Variants in XKR6 observed in about 807,000 individuals in gnomAD.
XKR6 encodes the protein XK-related protein 6.
Under a neutral mutation model 56.7 loss-of-function variants are expected in XKR6, and 22 were observed. That is an observed-to-expected ratio of 0.39 (90% confidence interval 0.28 to 0.55). The LOEUF (loss-of-function observed/expected upper bound fraction) is 0.55. Among genes scored for constraint, XKR6 ranks in the 20% least tolerant of loss-of-function variants. The probability of loss-of-function intolerance (pLI) is 0.66; values close to 1 mark genes in which losing one functional copy is unlikely to be tolerated. For missense variants in XKR6, 852 were observed against 889.0 expected, an observed-to-expected ratio of 0.96 and a Z score of 0.53; for synonymous variants, 524 against 387.8, an observed-to-expected ratio of 1.35 and a Z score of -4.13.
intron 1 of XKR6, chr8:11,129,176 G>A (rs1299856178): frequency 5.6e-6 from 2 of 356,004 alleles, no homozygotes; most frequent in Non-Finnish European, 1.1e-5. Flanking sequence ...CAACTAGACA[G>A]AGGTGATGGT....
chr8:10,937,434 T>A (rs1336072743), intron 1 of XKR6, among the ~76,000 whole-genome samples: 1 of 151,256 alleles, frequency 6.6e-6, no homozygotes, highest in African/African-American at 2.4e-5. Context: ...CTTTGTTCCG[T>A]TGCTGGTGAG....
intron 1 of XKR6, among the ~76,000 whole-genome samples, chr8:10,931,406 T>C (rs894126266): frequency 5.3e-5 from 8 of 152,184 alleles, no homozygotes; most frequent in Admixed American, 3.3e-4. Flanking sequence ...GTGGAATTTT[T>C]TTTTAAATAC....
At chr8:11,151,807 C>T (rs17725480) in intron 1 of XKR6, among the ~76,000 whole-genome samples, 35,853 of 151,920 alleles carry the variant, frequency 0.24, 4,823 homozygotes, top group Non-Finnish European at 0.3. Flanking sequence ...TCAGCTTTTA[C>T]GTGTTCCCAG....
At chr8:10,923,086 C>T (rs1800769021) in intron 2 of XKR6, among the ~76,000 whole-genome samples, 1 of 152,246 alleles carries the variant, frequency 6.6e-6, no homozygotes, top group Non-Finnish European at 1.5e-5. Context: ...ACTGGCAGCA[C>T]CTGCTGAAGA....
chr8:10,993,847 C>A (rs910083178), intron 1 of XKR6, among the ~76,000 whole-genome samples: 1 of 152,218 alleles, frequency 6.6e-6, no homozygotes, highest in Non-Finnish European at 1.5e-5. Flanking sequence ...CTACCTCACT[C>A]AGCCTTAGCT....
rs371224615 is a variant in XKR6, at chr8:11,037,383, G to A, written c.765-112553C>T. ...TGAGACTACAGGTGCACATCACCAC[G>A]ACTGGCTAATCTTTGTATTTTTGTA... On this transcript the variant is annotated intron_variant, in intron 1 of 2. Coordinates refer to ENST00000416569, the MANE Select transcript of XKR6 (RefSeq NM_173683.4). Among the ~76,000 whole-genome samples, 38 of 152,216 alleles carry A rather than the reference G, an allele frequency of 2.5e-4. No homozygotes were observed. In the East Asian group the frequency reaches 6.0e-3, roughly 24 times the overall value.
intron 1 of XKR6, among the ~76,000 whole-genome samples, chr8:11,131,825 C>T (rs1376619655): frequency 6.6e-6 from 1 of 152,166 alleles, no homozygotes; most frequent in Non-Finnish European, 1.5e-5. Flanking sequence ...GAGTAACGTG[C>T]TATACAGGCT....
Position 10,924,690 on chromosome 8 carries a change from T to A in XKR6, c.905A>T (p.Gln302Leu), listed in dbSNP as rs757546397. The change falls in exon 2 of 3, where the codon CAA becomes CTA. Residue 302 changes from glutamine (Q) to leucine (L), a missense_variant. By Grantham distance (113) the Gln-to-Leu change is moderately radical. Transcript: ENST00000416569. ...LLETFLESAP[Q>L]LVLQLYIMLQ... ...CATGATGTAGAGCTGTAGCACCAGT[T>A]GGGGCGCGCTCTCCAGGAAGGTCTC... 2.5e-6 allele frequency: 4 copies of A among 1,613,276 alleles called. No individual in the cohort carries two copies.
intron 1 of XKR6, among the ~76,000 whole-genome samples, chr8:11,193,285 T>G (rs919045865): frequency 6.6e-6 from 1 of 152,236 alleles, no homozygotes; most frequent in Admixed American, 6.5e-5. Flanking sequence ...ACAAAAATTA[T>G]TTTTTAAACC....
chr8:11,113,099 T>G (rs1379754052), intron 1 of XKR6, among the ~76,000 whole-genome samples: 3 of 152,234 alleles, frequency 2.0e-5, no homozygotes, highest in African/African-American at 7.2e-5. Flanking sequence ...TCTCACCATC[T>G]CATCAATTAA....
At chr8:10,922,781 C>A (rs1335408709) in intron 2 of XKR6, among the ~76,000 whole-genome samples, 3 of 152,144 alleles carry the variant, frequency 2.0e-5, no homozygotes, top group Non-Finnish European at 4.4e-5. Context: ...CTTCTCAGTG[C>A]CCAGGAGAGA....
At chr8:11,167,171 C>A (rs1186447521) in intron 1 of XKR6, among the ~76,000 whole-genome samples, 1 of 152,170 alleles carries the variant, frequency 6.6e-6, no homozygotes, top group Non-Finnish European at 1.5e-5. Context: ...AAAACAAGCA[C>A]CAACTGTCAG....
At chr8:10,919,799 C>T (rs181059033) in intron 2 of XKR6, among the ~76,000 whole-genome samples, 1 of 152,144 alleles carries the variant, frequency 6.6e-6, no homozygotes. Context: ...AGACTCACCA[C>T]CGGCATAAAT....
At position 11,048,593 on chromosome 8, in the gene XKR6, G is replaced by T. The variant is rs1799467488; in HGVS notation, c.765-123763C>A. 2.6e-5 allele frequency among the ~76,000 whole-genome samples: 4 copies of T among 152,140 alleles called. No homozygotes were observed. The South Asian group carries it at 8.3e-4, about 32-fold the overall frequency. On this transcript the variant is annotated intron_variant, in intron 1 of 2. Transcript: ENST00000416569. ...AACCTGGAGATGTGTATTTTTAAAG[G>T]CCCCCGAGGATTCGGATGCACGGTG...
chr8:11,193,048 C>T (rs1422168864), intron 1 of XKR6, among the ~76,000 whole-genome samples: 1 of 152,182 alleles, frequency 6.6e-6, no homozygotes, highest in Non-Finnish European at 1.5e-5. Context: ...TTTAGCTCAC[C>T]TACCCATGAG....
intron 1 of XKR6, chr8:11,104,762 T>C (rs116209027): frequency 1.1e-3 from 169 of 152,360 alleles, no homozygotes; most frequent in African/African-American, 3.9e-3. Flanking sequence ...GTTGAAAAGT[T>C]ATCCACATCG....
intron 1 of XKR6, among the ~76,000 whole-genome samples, chr8:11,054,740 G>T (rs909015557): frequency 3.9e-5 from 6 of 152,308 alleles, no homozygotes; most frequent in African/African-American, 1.2e-4. Context: ...AAGTGTGGGT[G>T]GACGGGGTGT....
At chr8:10,972,068 A>C (rs1802424737) in intron 1 of XKR6, among the ~76,000 whole-genome samples, 1 of 152,226 alleles carries the variant, frequency 6.6e-6, no homozygotes, top group African/African-American at 2.4e-5. Flanking sequence ...ACCTGTTGTT[A>C]AATATTTCTG....
At chr8:10,959,282 T>A (rs1377189455) in intron 1 of XKR6, among the ~76,000 whole-genome samples, 1 of 152,042 alleles carries the variant, frequency 6.6e-6, no homozygotes, top group African/African-American at 2.4e-5. Context: ...GCTTGCCATG[T>A]AGAAAGGGAC....
Sources: allele counts gnomAD v4.1 joint callset (sites outside exome capture counted in the v4.1 genomes callset), GRCh38; gene constraint gnomAD v4.1.1; transcripts MANE v1.5; gene names NCBI Gene and HGNC (gene_info 2026-07-23, HGNC 2026-07-21).